The following ATP6V0A2 variants were observed in gnomAD, a reference collection of about 807,000 sequenced individuals.
ATP6V0A2 encodes ATPase H+ transporting V0 subunit a2, also known as V-type proton ATPase 116 kDa subunit a 2.
In ATP6V0A2, 58 loss-of-function variants were observed where a neutral mutation model predicts 104.4. The ratio of observed to expected loss-of-function variants is 0.56; its 90% CI spans 0.45 to 0.69. The LOEUF (loss-of-function observed/expected upper bound fraction) is 0.69. ATP6V0A2 is among the 30% of genes least tolerant of loss of function. The probability of loss-of-function intolerance (pLI) is 0.00; values close to 1 mark genes in which losing one functional copy is unlikely to be tolerated. For synonymous variants in ATP6V0A2, 376 were observed against 397.9 expected (o/e 0.95, Z 0.65); for missense variants, 938 against 1,062.9 (o/e 0.88, Z 1.63).
intron 18 of ATP6V0A2, 117 bp from the exon 19 acceptor site, chr12:123,756,698 A>G (rs1345035063): frequency 4.2e-5 from 46 of 1,085,290 alleles, no homozygotes; most frequent in Non-Finnish European, 5.6e-5. Flanking sequence ...ATGTGTGTCT[A>G]TTATTTTATG....
chr12:123,734,061 T>C (rs2135898121), intron 7 of ATP6V0A2, 53 bp downstream of exon 7: 1 of 1,438,590 alleles, frequency 7.0e-7, no homozygotes, highest in East Asian at 2.3e-5. Flanking sequence ...CAGTCACCTC[T>C]AGTTTTCCTT....
intron 6 of ATP6V0A2, among the ~76,000 whole-genome samples, chr12:123,728,289 G>A (rs1171051918): frequency 6.6e-6 from 1 of 151,078 alleles, no homozygotes; most frequent in Non-Finnish European, 1.5e-5. Flanking sequence ...GTCTTGCTGT[G>A]TTGCCCAGGC....
At position 123,747,666 on chromosome 12, in the gene ATP6V0A2, C is replaced by G; in HGVS notation, c.1665C>G (p.Ser555=). Residue 555 remains serine (S), a synonymous_variant, in exon 14 of 20, where the codon TCC becomes TCG. Transcript: ENST00000330342. ...TFLNSFKMKM[S]VILGIIHMTF... ...TAAACTCTTTCAAAATGAAAATGTCCGTGATTTTAGGAATCATTCATATGA... is the reference window on the plus strand; with the variant it reads ...TAAACTCTTTCAAAATGAAAATGTCGGTGATTTTAGGAATCATTCATATGA... 2 of 1,613,686 alleles carry G rather than the reference C, an allele frequency of 1.2e-6. No individual in the cohort carries two copies. The highest frequency in any genetic ancestry group is 1.7e-6 in the Non-Finnish European group (2 of 1,179,648).
chr12:123,739,230 C>T lies in ATP6V0A2; in HGVS notation c.1038+1959C>T, dbSNP rs117624680. Among the ~76,000 whole-genome samples, 755 of 152,326 alleles carry T rather than the reference C, an allele frequency of 5.0e-3. 21 individuals carry two copies. The highest frequency in any genetic ancestry group is 0.024 in the East Asian group (127 of 5,192). The stretch of plus-strand genomic sequence containing the variant: ...CCGGCTGCATAGCTGTTCTTTGCTC[C>T]GCTCGTGGGCACCGACTCTTCGTTT... On this transcript the variant is annotated intron_variant, in intron 9 of 19. Coordinates refer to ENST00000330342, the MANE Select transcript of ATP6V0A2 (RefSeq NM_012463.4).
chr12:123,751,346 G>T, intron 16 of ATP6V0A2, 117 bp downstream of exon 16: 1 of 1,496,454 alleles, frequency 6.7e-7, no homozygotes, highest in Non-Finnish European at 9.2e-7. Flanking sequence ...AAAAGCCAAA[G>T]CTCCCTTTAT....
At chr12:123,728,441 A>T (rs1364116287) in intron 6 of ATP6V0A2, among the ~76,000 whole-genome samples, 14 of 120,520 alleles carry the variant, frequency 1.2e-4, no homozygotes, top group Non-Finnish European at 2.0e-4. Context: ...AGAGATGGGG[A>T]TCTTAACTAT....
At position 123,756,848 on chromosome 12, in the gene ATP6V0A2, G is replaced by A. The variant is rs758922111; in HGVS notation, c.2327G>A (p.Arg776His). The A allele has an allele frequency of 3.2e-5, 52 of 1,614,010 alleles. No homozygotes were observed. The highest frequency in any genetic ancestry group is 1.0e-4 in the Admixed American group (6 of 60,004). The change falls in exon 19 of 20, where the codon CGC (arginine) becomes CAC (histidine). Residue 776 changes from arginine to histidine, a missense_variant. By Grantham distance (29) the Arg-to-His change is conservative (BLOSUM62 0). Coordinates refer to ENST00000330342, the MANE Select transcript of ATP6V0A2 (RefSeq NM_012463.4). Reference protein sequence around the residue: ...LSDVLWAMLMRVGLRVDTTYG... With the variant: ...LSDVLWAMLMHVGLRVDTTYG... ...GATGTCCTGTGGGCCATGCTGATGC[G>A]CGTGGGCCTCCGCGTTGACACCACC...
intron 7 of ATP6V0A2, among the ~76,000 whole-genome samples, chr12:123,734,787 A>G (rs1956535006): frequency 6.6e-6 from 1 of 152,118 alleles, no homozygotes. Flanking sequence ...TTGGTTCTCA[A>G]TTGGTGGAAT....
intron 14 of ATP6V0A2, among the ~76,000 whole-genome samples, chr12:123,748,058 G>A (rs934061646): frequency 6.6e-6 from 1 of 152,160 alleles, no homozygotes; most frequent in Non-Finnish European, 1.5e-5. Context: ...TCCAGAAGGG[G>A]TGCTTGCCAT....
intron 18 of ATP6V0A2, 21 bp from the exon 19 acceptor site, chr12:123,756,794 G>A: frequency 6.2e-7 from 1 of 1,613,090 alleles, no homozygotes; most frequent in African/African-American, 1.3e-5. Context: ...CATGACCTGT[G>A]CAGGCTGCAC....
chr12:123,743,772 G>T lies in ATP6V0A2; in HGVS notation c.1039-13G>T, dbSNP rs375793162. 434 of 1,613,688 alleles carry T rather than the reference G, an allele frequency of 2.7e-4. No homozygotes were observed. Among genetic ancestry groups the T allele is most frequent in the Non-Finnish European group, 3.5e-4 (413 of 1,179,736 alleles). ...GGATAGTAATTTTTTATCTTTCCTTGTTTATGTGGAAGAGAGAGAGTGGTG... is the reference window on the plus strand; with the variant it reads ...GGATAGTAATTTTTTATCTTTCCTTTTTTATGTGGAAGAGAGAGAGTGGTG... On this transcript the variant is annotated splice_polypyrimidine_tract_variant and intron_variant, in intron 9 of 19. Coordinates refer to ENST00000330342, the MANE Select transcript of ATP6V0A2 (RefSeq NM_012463.4).
At chr12:123,741,534 C>T (rs572470700) in intron 9 of ATP6V0A2, among the ~76,000 whole-genome samples, 6 of 152,302 alleles carry the variant, frequency 3.9e-5, no homozygotes. Context: ...CTCCTGGGTT[C>T]AAGCAATCCT....
intron 1 of ATP6V0A2, 124 bp downstream of exon 1, chr12:123,712,806 G>T (rs1956305835): frequency 2.3e-6 from 2 of 873,022 alleles, no homozygotes. Context: ...TTGTCCAGAC[G>T]GGGAAGATGA....
At chr12:123,713,344 G>A (rs986636406) in intron 1 of ATP6V0A2, among the ~76,000 whole-genome samples, 2 of 151,966 alleles carry the variant, frequency 1.3e-5, no homozygotes, top group Non-Finnish European at 2.9e-5. Flanking sequence ...TGTGTGTAAG[G>A]ACTTAAGAAC....
At chr12:123,721,975 C>T (rs1956404225) in intron 2 of ATP6V0A2, among the ~76,000 whole-genome samples, 1 of 152,228 alleles carries the variant, frequency 6.6e-6, no homozygotes, top group African/African-American at 2.4e-5. Flanking sequence ...CTAACCTCTG[C>T]TTCATTCTGC....
chr12:123,740,709 ACTTTC>A (rs1360784594), intron 9 of ATP6V0A2, among the ~76,000 whole-genome samples: 6 of 152,120 alleles, frequency 3.9e-5, no homozygotes, highest in Non-Finnish European at 8.8e-5. Flanking sequence ...AGTATCTGTC[ACTTTC>A]CTTTGAATCC....
At chr12:123,751,677 T>G (rs563504868) in intron 16 of ATP6V0A2, among the ~76,000 whole-genome samples, 19 of 151,898 alleles carry the variant, frequency 1.3e-4, no homozygotes, top group African/African-American at 4.3e-4. Context: ...AAATGAAACA[T>G]TGATGTTGAA....
chr12:123,751,220 G>C lies in ATP6V0A2; in HGVS notation c.2046G>C (p.Gly682=). 6.2e-7 allele frequency: 1 copy of C among 1,614,178 alleles called. No homozygotes were observed. The highest frequency in any genetic ancestry group is 8.5e-7 in the Non-Finnish European group (1 of 1,180,042). ...TTCACAATGGGCGTAGTTGCTTCGG[G>C]GTGAACCGGGTAAGTGCGGGTTTGG... The part of the protein sequence containing the change: ...LWLHNGRSCF[G]VNRSGYTLIR... Residue 682 remains glycine, a synonymous_variant, in exon 16 of 20, where the codon GGG becomes GGC. Transcript: ENST00000330342.
chr12:123,758,174 C>A lies in ATP6V0A2; in HGVS notation c.*142C>A. 1 of 583,044 alleles carries A rather than the reference C, an allele frequency of 1.7e-6. No individual in the cohort carries two copies. Among genetic ancestry groups the A allele is most frequent in the Non-Finnish European group, 3.0e-6 (1 of 331,476 alleles). 36.1% of individuals were successfully genotyped at this position (583,044 alleles called of 1,614,324 possible). ...TAGCCAAATAATTCTGTAAGATATA[C>A]CTCTTCCTCATATGTTAAATATTTT... On this transcript the variant is annotated 3_prime_UTR_variant, in exon 20 of 20. Transcript: ENST00000330342.
Sources: allele counts gnomAD v4.1 joint callset (sites outside exome capture counted in the v4.1 genomes callset), GRCh38; gene constraint gnomAD v4.1.1; transcripts MANE v1.5; gene names NCBI Gene and HGNC (gene_info 2026-07-23, HGNC 2026-07-21).